FHIT: variants seen among roughly 807,000 people sequenced by gnomAD.
FHIT encodes bis(5'-adenosyl)-triphosphatase.
FHIT carries 19 observed loss-of-function variants against 17.9 expected under a neutral mutation model. That is an observed-to-expected ratio of 1.06 (90% CI 0.74 to 1.56). The LOEUF (loss-of-function observed/expected upper bound fraction) is 1.56. Ranked by LOEUF, FHIT falls within the 40% of genes most tolerant of loss-of-function variation. The pLI is 0.00. For synonymous variants in FHIT, 81 were observed against 69.7 expected, an observed-to-expected ratio of 1.16 and a Z score of -0.81; for missense variants, 248 against 189.2, an observed-to-expected ratio of 1.31 and a Z score of -1.82.
At chr3:60,296,731 T>C (rs966587769) in intron 5 of FHIT, among the ~76,000 whole-genome samples, 2 of 152,062 alleles carry the variant, frequency 1.3e-5, no homozygotes, top group African/African-American at 2.4e-5. Context: ...TGCCTAGACA[T>C]AGATCCCAAT....
At chr3:60,025,158 C>A (rs568787243) in intron 5 of FHIT, among the ~76,000 whole-genome samples, 11 of 152,236 alleles carry the variant, frequency 7.2e-5, no homozygotes, top group African/African-American at 2.6e-4. Context: ...TGTAGCTCAC[C>A]ATTTGGAGAC....
chr3:60,496,331 A>G (rs1331793856), intron 5 of FHIT, among the ~76,000 whole-genome samples: 1 of 152,164 alleles, frequency 6.6e-6, no homozygotes, highest in Non-Finnish European at 1.5e-5. Context: ...CCCAATGGAA[A>G]AAATTGGCAA....
rs1397499124 is a variant in FHIT at position 60,512,201 on chromosome 3, A to G, written c.103+24659T>C. The stretch of plus-strand genomic sequence containing the variant: ...ATTCAAGTCACAGCAAACCTAGGAA[A>G]AGATTGACTGATATGTAGCCATGGT... On this transcript the variant is annotated intron_variant, in intron 5 of 9. Transcript: ENST00000492590. Among the ~76,000 whole-genome samples the G allele has an allele frequency of 5.3e-5, 8 of 152,214 alleles. No individual in the cohort carries two copies. In the East Asian group the frequency reaches 1.5e-3, roughly 29 times the overall value.
At chr3:59,977,799 A>G (rs1708480223) in intron 7 of FHIT, among the ~76,000 whole-genome samples, 3 of 152,184 alleles carry the variant, frequency 2.0e-5, no homozygotes. Flanking sequence ...AAAGCCAAAT[A>G]AACCAAGGAC....
At chr3:60,422,785 C>T (rs911290242) in intron 5 of FHIT, among the ~76,000 whole-genome samples, 1 of 152,038 alleles carries the variant, frequency 6.6e-6, no homozygotes, top group Non-Finnish European at 1.5e-5. Flanking sequence ...TCACAAACTC[C>T]AAATATTAAA....
chr3:59,858,218 C>A (rs1702253069), intron 8 of FHIT, among the ~76,000 whole-genome samples: 1 of 149,258 alleles, frequency 6.7e-6, no homozygotes, highest in Non-Finnish European at 1.5e-5. Flanking sequence ...TGGTGATCTT[C>A]CTTCCTTTTC....
intron 5 of FHIT, among the ~76,000 whole-genome samples, chr3:60,311,516 A>C (rs1708946122): frequency 6.6e-6 from 1 of 152,202 alleles, no homozygotes; most frequent in Admixed American, 6.5e-5. Flanking sequence ...AAGACTGCTT[A>C]ATATTCTGAG....
chr3:60,129,049 G>GTTGTTTTTTTTT lies in FHIT; in HGVS notation c.104-114898_104-114897insAAAAAAAAACAA, dbSNP rs759645654. On this transcript the variant is annotated intron_variant, in intron 5 of 9. Transcript: ENST00000492590. ...TTTCCCTTTTCTTCTTTCCTTTTTT[G>GTTGTTTTTTTTT]TTTGTTTTTTTTTTTTTTTTTGAAA... Among the ~76,000 whole-genome samples, 93 of 121,028 alleles carry GTTGTTTTTTTTT rather than the reference G, an allele frequency of 7.7e-4. 6 individuals are homozygous for GTTGTTTTTTTTT. Among genetic ancestry groups the GTTGTTTTTTTTT allele is most frequent in the Admixed American group, 4.1e-3 (46 of 11,336 alleles). The allele number at this position is 121,028 out of a possible 152,430, so 79.4% of individuals were successfully genotyped here.
intron 3 of FHIT, among the ~76,000 whole-genome samples, chr3:60,886,838 G>C (rs1553759366): frequency 6.6e-6 from 1 of 152,104 alleles, no homozygotes; most frequent in African/African-American, 2.4e-5. Context: ...TAGCTCAGTA[G>C]AAAGGCTATC....
At chr3:60,758,087 A>G (rs1699512738) in intron 4 of FHIT, among the ~76,000 whole-genome samples, 1 of 152,168 alleles carries the variant, frequency 6.6e-6, no homozygotes, top group Admixed American at 6.5e-5. Flanking sequence ...TTAGTCCCTC[A>G]GCACCCTGTC....
At chr3:60,910,444 C>A (rs1259730887) in intron 3 of FHIT, among the ~76,000 whole-genome samples, 1 of 148,230 alleles carries the variant, frequency 6.7e-6, no homozygotes, top group Non-Finnish European at 1.5e-5. Flanking sequence ...CGGAGTCTCG[C>A]TTTGTCGCCT....
intron 3 of FHIT, among the ~76,000 whole-genome samples, chr3:60,983,136 T>C (rs565262754): frequency 0.083 from 3,103 of 37,458 alleles, 102 homozygotes; most frequent in African/African-American, 0.33. Context: ...CCTTCTCTCT[T>C]GTGTGTGTGT....
intron 5 of FHIT, among the ~76,000 whole-genome samples, chr3:60,180,660 C>T (rs886996409): frequency 1.3e-5 from 2 of 152,132 alleles, no homozygotes; most frequent in Non-Finnish European, 2.9e-5. Context: ...AAAAACAGGG[C>T]ATATGTTGTA....
chr3:60,130,066 C>T lies in FHIT; in HGVS notation c.104-115914G>A, dbSNP rs1466261401. Among the ~76,000 whole-genome samples, 3 of 152,132 alleles carry T rather than the reference C, an allele frequency of 2.0e-5. No homozygotes were observed. In the East Asian group the frequency reaches 5.8e-4, roughly 29 times the overall value. On this transcript the variant is annotated intron_variant, in intron 5 of 9. Coordinates refer to ENST00000492590, the MANE Select transcript of FHIT (RefSeq NM_002012.4). ...AGCATTTTGGTGATATGCCATTCCT[C>T]TTCTACCTTTGTTAGAAGTTCCTCT...
chr3:60,462,932 G>T (rs776582771), intron 5 of FHIT, among the ~76,000 whole-genome samples: 30 of 152,160 alleles, frequency 2.0e-4, no homozygotes, highest in Non-Finnish European at 3.8e-4. Flanking sequence ...TGTATTCCTG[G>T]TCATATTGTC....
chr3:60,148,711 T>A (rs1559676808), intron 5 of FHIT, among the ~76,000 whole-genome samples: 1 of 152,204 alleles, frequency 6.6e-6, no homozygotes, highest in Non-Finnish European at 1.5e-5. Context: ...AAAGAATGTC[T>A]CTTGCAGAAT....
intron 4 of FHIT, among the ~76,000 whole-genome samples, chr3:60,819,368 C>T (rs1163295446): frequency 6.6e-6 from 1 of 152,138 alleles, no homozygotes; most frequent in Non-Finnish European, 1.5e-5. Context: ...TCAATTCTAG[C>T]TCTTAGACTG....
At chr3:60,299,515 G>A (rs951959592) in intron 5 of FHIT, among the ~76,000 whole-genome samples, 16 of 152,044 alleles carry the variant, frequency 1.1e-4, no homozygotes, top group Middle Eastern at 3.2e-3. Flanking sequence ...TTTTCTTTCA[G>A]TATGGAAAAA....
chr3:60,563,653 G>A (rs1362813442), intron 4 of FHIT, among the ~76,000 whole-genome samples: 1 of 152,190 alleles, frequency 6.6e-6, no homozygotes, highest in Non-Finnish European at 1.5e-5. Flanking sequence ...GGGAGAGTTT[G>A]AGTGGTCTGG....
Sources: gnomAD v4.1 joint callset for allele counts (sites outside exome capture counted in the v4.1 genomes callset) on GRCh38, gnomAD v4.1.1 for gene constraint, MANE v1.5 for transcripts, NCBI Gene and HGNC (gene_info 2026-07-23, HGNC 2026-07-21) for gene names.